CCDC57: variants seen among roughly 807,000 people sequenced by gnomAD.
The protein encoded by CCDC57 is coiled-coil domain containing 57.
A neutral mutation model predicts 118.9 loss-of-function variants in CCDC57; 118 were observed. The observed-to-expected ratio is 0.99, with a 90% CI of 0.86 to 1.16. CCDC57 has a LOEUF of 1.16. CCDC57 is among the 50% of genes most tolerant of loss of function. The probability of loss-of-function intolerance (pLI) is 0.00; values close to 1 mark genes in which losing one functional copy is unlikely to be tolerated. For missense variants in CCDC57, 1,300 were observed against 1,320.7 expected (o/e 0.98, Z 0.24); for synonymous variants, 527 against 532.9 (o/e 0.99, Z 0.15).
At chr17:82,146,815 GCA>G (rs573524279) in intron 16 of CCDC57, among the ~76,000 whole-genome samples, 120 of 152,292 alleles carry the variant, frequency 7.9e-4, no homozygotes, top group Non-Finnish European at 1.3e-3. Context: ...AAACGTGTGT[GCA>G]CACAGTCTCA....
rs909934940 is a variant in CCDC57, at chr17:82,212,677, C to G, written c.-211+108G>C. The stretch of plus-strand genomic sequence containing the variant: ...CTCGCGCTCCAGGTCCCCACCAAAG[C>G]GCTGCGTCCGACAGGACGGCAGCTG... On this transcript the variant is annotated intron_variant, in intron 1 of 19. Coordinates refer to ENST00000665763, the Ensembl canonical transcript of CCDC57. This position sits in a 1 kb window ranked among gnomAD's most constrained non-coding sequence, Gnocchi z 4.1. 5 of 151,994 alleles carry G rather than the reference C, an allele frequency of 3.3e-5. No homozygotes were observed. The highest frequency in any genetic ancestry group is 9.7e-5 in the African/African-American group (4 of 41,364). 9.4% of individuals were successfully genotyped at this position (151,994 alleles called of 1,614,324 possible). A position where few individuals can be genotyped will look rare whatever the true frequency, so the allele number is the denominator to read the frequency against.
intron 15 of CCDC57, chr17:82,156,013 G>A (rs995615194): frequency 6.6e-6 from 1 of 152,126 alleles, no homozygotes; most frequent in Non-Finnish European, 1.5e-5. Context: ...AGGCACAGTG[G>A]GCCACTGTGC....
intron 17 of CCDC57, among the ~76,000 whole-genome samples, chr17:82,133,467 G>A (rs1191264921): frequency 6.9e-6 from 1 of 145,374 alleles, no homozygotes; most frequent in East Asian, 2.0e-4. Flanking sequence ...AGAAGTTTTT[G>A]GTTTTTTTTT....
intron 16 of CCDC57, among the ~76,000 whole-genome samples, chr17:82,139,753 G>A: frequency 6.6e-6 from 1 of 152,130 alleles, no homozygotes; most frequent in South Asian, 2.1e-4. Context: ...GAAAAGGACT[G>A]GGCAGGCACC....
rs928655681 is a variant in CCDC57, at chr17:82,163,139, A to G, written c.2040+61T>C. 6 of 1,580,144 alleles carry G rather than the reference A, an allele frequency of 3.8e-6. No homozygotes were observed. In the Admixed American group the frequency reaches 6.8e-5, roughly 18 times the overall value. On this transcript the variant is annotated intron_variant, in intron 14 of 19. Coordinates refer to ENST00000665763, the Ensembl canonical transcript of CCDC57. ...CGCACCGGGCAGCCGCTCAGAGCCC[A>G]CGCGCTCTCCCCCAGCAGCGGCTCT...
rs76838027 is a variant in CCDC57 at position 82,123,604 on chromosome 17, T to G, written c.2899+4088A>C. On this transcript the variant is annotated intron_variant, in intron 19 of 19. Transcript: ENST00000665763. ...TAAAGCAACAATTGACAAAAACAGA[T>G]AGATTGATAATTGTAGTTTAAGAAC... 6.7e-3 allele frequency among the ~76,000 whole-genome samples: 1,021 copies of G among 152,190 alleles called. 4 individuals are homozygous for G. Among genetic ancestry groups the G allele is most frequent in the Non-Finnish European group, 0.01 (684 of 67,992 alleles).
At chr17:82,188,406 C>T (rs1361595558) in exon 8 of CCDC57, 23 of 1,611,120 alleles carry the variant, frequency 1.4e-5, no homozygotes, top group Non-Finnish European at 1.6e-5. Context: ...GCCAGACGGT[C>T]GAGCTCCTCA....
chr17:82,180,598 CTT>C (rs2046083982), intron 9 of CCDC57, among the ~76,000 whole-genome samples: 1 of 152,158 alleles, frequency 6.6e-6, no homozygotes, highest in Non-Finnish European at 1.5e-5. Context: ...GCCTCAGCCT[CTT>C]GAGTAGCTGG....
At chr17:82,200,889 A>G (rs2048916544) in intron 3 of CCDC57, among the ~76,000 whole-genome samples, 1 of 152,258 alleles carries the variant, frequency 6.6e-6, no homozygotes, top group Non-Finnish European at 1.5e-5. Context: ...TAAACAGAGC[A>G]TGCAGCCGGC....
intron 14 of CCDC57, chr17:82,159,978 A>G (rs1325696181): frequency 6.6e-6 from 1 of 150,608 alleles, no homozygotes; most frequent in African/African-American, 2.4e-5. Flanking sequence ...CATATTTGCC[A>G]TTTTCAATCA....
At chr17:82,126,931 A>G (rs1201500292) in intron 19 of CCDC57, 1 of 985,272 alleles carries the variant, frequency 1.0e-6, no homozygotes, top group Non-Finnish European at 1.2e-6. Flanking sequence ...GCACACAGGA[A>G]GGACGCACGC....
exon 9 of CCDC57, chr17:82,183,837 G>T (rs774022804): frequency 6.2e-7 from 1 of 1,609,752 alleles, no homozygotes. Flanking sequence ...TTCCTGCAGC[G>T]TCTGAATCTG....
intron 16 of CCDC57, among the ~76,000 whole-genome samples, chr17:82,146,685 A>C (rs2040778916): frequency 6.6e-6 from 1 of 152,218 alleles, no homozygotes; most frequent in Non-Finnish European, 1.5e-5. Flanking sequence ...CAATAAATCG[A>C]CAAACTTCCA....
chr17:82,125,259 C>T (rs544423781), intron 19 of CCDC57, among the ~76,000 whole-genome samples: 5 of 152,060 alleles, frequency 3.3e-5, no homozygotes, highest in African/African-American at 7.2e-5. Flanking sequence ...CAAAAAAGGC[C>T]GGGCATGGTG....
intron 16 of CCDC57, among the ~76,000 whole-genome samples, chr17:82,138,539 A>G (rs1404866283): frequency 1.3e-5 from 2 of 151,862 alleles, no homozygotes; most frequent in Non-Finnish European, 2.9e-5. Flanking sequence ...AGAGGTCTCT[A>G]TCGAAAAAAA....
chr17:82,169,195 C>G (rs1455491060), intron 13 of CCDC57, among the ~76,000 whole-genome samples: 1 of 152,146 alleles, frequency 6.6e-6, no homozygotes, highest in Non-Finnish European at 1.5e-5. Flanking sequence ...GGTGCAATCT[C>G]GGCTCACTGC....
chr17:82,202,604 G>C lies in CCDC57; in HGVS notation c.-8-652C>G, dbSNP rs368624596. Among the ~76,000 whole-genome samples, 30 of 151,912 alleles carry C rather than the reference G, an allele frequency of 2.0e-4. 1 individual carries two copies. In the South Asian group the frequency reaches 5.4e-3, roughly 27 times the overall value. On this transcript the variant is annotated intron_variant, in intron 2 of 19. Coordinates refer to ENST00000665763, the Ensembl canonical transcript of CCDC57. Reference sequence around the variant, plus strand: ...GTCTCTACTAAAAATATAAAAATTAGCCATGCATGGTGGCGCATGCCTGTG... The same window carrying C: ...GTCTCTACTAAAAATATAAAAATTACCCATGCATGGTGGCGCATGCCTGTG...
chr17:82,141,337 C>T (rs1376088826), intron 16 of CCDC57, among the ~76,000 whole-genome samples: 1 of 152,154 alleles, frequency 6.6e-6, no homozygotes, highest in Non-Finnish European at 1.5e-5. Context: ...GCACCTGCCA[C>T]CATGGCTGGC....
chr17:82,151,276 C>A (rs1232361168), intron 16 of CCDC57, among the ~76,000 whole-genome samples: 2 of 149,266 alleles, frequency 1.3e-5, no homozygotes, highest in East Asian at 4.0e-4. Context: ...CTGACCCGCA[C>A]CCAGAACCAG....
Sources: allele counts gnomAD v4.1 joint callset (sites outside exome capture counted in the v4.1 genomes callset), GRCh38; gene constraint gnomAD v4.1.1; non-coding constraint Gnocchi (gnomAD v3.1); transcripts MANE v1.5; gene names NCBI Gene and HGNC (gene_info 2026-07-23, HGNC 2026-07-21).